FIRRM: variants seen among roughly 807,000 people sequenced by gnomAD.
The protein encoded by FIRRM is FIGNL1-interacting regulator of recombination and mitosis.
chr1:169,849,354 T>TG, the FIRRM span: 1 of 599,646 alleles, frequency 1.7e-6, no homozygotes. Context: ...AGTAAAAGAG[T>TG]GACATTACCT....
chr1:169,800,404 G>A, the FIRRM span, among the ~76,000 whole-genome samples: 1 of 152,068 alleles, frequency 6.6e-6, no homozygotes, highest in South Asian at 2.1e-4. Context: ...CATGTTCATT[G>A]TGGAAAATAT....
At chr1:169,803,500 T>C in the FIRRM span, among the ~76,000 whole-genome samples, 1 of 152,042 alleles carries the variant, frequency 6.6e-6, no homozygotes, top group Non-Finnish European at 1.5e-5. Context: ...TAAAAGTGGC[T>C]TTTTGGGGTT....
chr1:169,852,863 G>C, the FIRRM span: 28 of 1,613,982 alleles, frequency 1.7e-5, no homozygotes, highest in Non-Finnish European at 2.3e-5. Flanking sequence ...ACAATAGCAG[G>C]GGCTTTGGAA....
the FIRRM span, chr1:169,830,436 T>C: frequency 9.0e-7 from 1 of 1,116,722 alleles, no homozygotes; most frequent in Non-Finnish European, 1.3e-6. Context: ...AAAAACTGTT[T>C]CAATAATCCT....
the FIRRM span, chr1:169,806,062 T>C: frequency 6.3e-7 from 1 of 1,597,520 alleles, no homozygotes; most frequent in Non-Finnish European, 8.5e-7. Context: ...ATGCATTTCA[T>C]GCCAATACTT....
the FIRRM span, chr1:169,853,696 T>TTAAC: frequency 1.2e-6 from 2 of 1,612,364 alleles, no homozygotes; most frequent in East Asian, 4.5e-5. Flanking sequence ...TTCCTAAAGT[T>TTAAC]TAACTCACAT....
At chr1:169,793,519 G>C in the FIRRM span, 1 of 1,614,062 alleles carries the variant, frequency 6.2e-7, no homozygotes, top group African/African-American at 1.3e-5. Context: ...GTTCCCACAA[G>C]TGATCCTGAG....
At chr1:169,832,394 C>G in the FIRRM span, 1 of 1,542,442 alleles carries the variant, frequency 6.5e-7, no homozygotes, top group Non-Finnish European at 9.0e-7. Context: ...AGTCTCTCCT[C>G]TCTCTCTCAT....
the FIRRM span, among the ~76,000 whole-genome samples, chr1:169,785,169 C>G: frequency 6.6e-6 from 1 of 152,194 alleles, no homozygotes; most frequent in Non-Finnish European, 1.5e-5. Flanking sequence ...TGGCTCTCTG[C>G]TGCGCCACCA....
the FIRRM span, among the ~76,000 whole-genome samples, chr1:169,832,222 A>ATT: frequency 1.3e-5 from 2 of 152,242 alleles, no homozygotes; most frequent in African/African-American, 4.8e-5. Context: ...ACAGTGTTAA[A>ATT]TATGTCAGAA....
At chr1:169,798,045 TAGA>T in the FIRRM span, among the ~76,000 whole-genome samples, 1 of 127,672 alleles carries the variant, frequency 7.8e-6, no homozygotes, top group African/African-American at 3.0e-5. Flanking sequence ...TGAAAAAAGA[TAGA>T]AGGTGATGAG....
the FIRRM span, among the ~76,000 whole-genome samples, chr1:169,805,460 G>T: frequency 6.6e-6 from 1 of 152,120 alleles, no homozygotes; most frequent in Non-Finnish European, 1.5e-5. Flanking sequence ...CACTTTTCAA[G>T]TTTCTGCTTG....
At chr1:169,806,047 G>T in the FIRRM span, 1 of 1,602,002 alleles carries the variant, frequency 6.2e-7, no homozygotes, top group South Asian at 1.1e-5. Flanking sequence ...TTTCCAGTAT[G>T]GACCATGCAT....
chr1:169,813,097 T>G, the FIRRM span, among the ~76,000 whole-genome samples: 5 of 152,186 alleles, frequency 3.3e-5, no homozygotes, highest in Non-Finnish European at 5.9e-5. Flanking sequence ...ATTCACAAAT[T>G]AAAGACAGTA....
the FIRRM span, among the ~76,000 whole-genome samples, chr1:169,819,611 G>A: frequency 6.6e-6 from 1 of 152,342 alleles, no homozygotes. Context: ...TTCCGATGGA[G>A]TCCCAGGCTG....
the FIRRM span, among the ~76,000 whole-genome samples, chr1:169,840,276 T>A: frequency 1.3e-5 from 2 of 152,206 alleles, no homozygotes; most frequent in Non-Finnish European, 2.9e-5. Context: ...GTCAATAGTT[T>A]GGTAGGAAAA....
chr1:169,799,963 A>G, the FIRRM span, among the ~76,000 whole-genome samples: 28 of 152,136 alleles, frequency 1.8e-4, no homozygotes, highest in Non-Finnish European at 3.1e-4. Flanking sequence ...GGTTCAAGCT[A>G]TTCTCCTGCC....
chr1:169,822,391 A>G, the FIRRM span, among the ~76,000 whole-genome samples: 2 of 152,264 alleles, frequency 1.3e-5, no homozygotes, highest in Non-Finnish European at 2.9e-5. Context: ...GAACATGGAC[A>G]ATAGTTTTTT....
the FIRRM span, among the ~76,000 whole-genome samples, chr1:169,790,818 G>T: frequency 1.3e-5 from 2 of 152,166 alleles, no homozygotes; most frequent in Non-Finnish European, 2.9e-5. Flanking sequence ...AGGTAAGTCT[G>T]GAATTGTAGC....
Sources: allele counts gnomAD v4.1 joint callset (sites outside exome capture counted in the v4.1 genomes callset), GRCh38; gene constraint gnomAD v4.1.1; transcripts MANE v1.5; gene names NCBI Gene and HGNC (gene_info 2026-07-23, HGNC 2026-07-21).